The following TARBP1 variants were observed in gnomAD, a reference collection of about 807,000 sequenced individuals.
TARBP1 encodes the protein tRNA (guanosine(18)-2'-O)-methyltransferase TARBP1.
In TARBP1, 144 loss-of-function variants were observed where a neutral mutation model predicts 178.6. The ratio of observed to expected loss-of-function variants is 0.81; its 90% confidence interval spans 0.70 to 0.93. TARBP1 has a LOEUF of 0.93. Ranked by LOEUF, TARBP1 falls within the 40% of genes least tolerant of loss-of-function variation. The pLI, the probability that TARBP1 is intolerant of heterozygous loss-of-function variation, is 0.00. For missense variants in TARBP1, 2,067 were observed against 2,011.7 expected (o/e 1.03, Z -0.53); for synonymous variants, 787 against 781.0 (o/e 1.01, Z -0.13).
chr1:234,402,290 G>C (rs1660752235), intron 24 of TARBP1, among the ~76,000 whole-genome samples: 1 of 152,126 alleles, frequency 6.6e-6, no homozygotes, highest in African/African-American at 2.4e-5. Context: ...TCCTGACTAT[G>C]AGTATCACTT....
intron 3 of TARBP1, among the ~76,000 whole-genome samples, chr1:234,470,257 A>G (rs6698270): frequency 0.16 from 24,719 of 151,986 alleles, 2,857 homozygotes; most frequent in East Asian, 0.59. Context: ...ACAGATTGCA[A>G]GACTCCACAT....
At chr1:234,426,373 T>A (rs1388613258) in intron 19 of TARBP1, among the ~76,000 whole-genome samples, 1 of 152,216 alleles carries the variant, frequency 6.6e-6, no homozygotes, top group Non-Finnish European at 1.5e-5. Flanking sequence ...AATATTTTAA[T>A]TTAACAACAA....
At chr1:234,441,731 T>A (rs1572334136) in intron 12 of TARBP1, among the ~76,000 whole-genome samples, 1 of 152,326 alleles carries the variant, frequency 6.6e-6, no homozygotes, top group Middle Eastern at 3.4e-3. Flanking sequence ...CTCCCTGCCC[T>A]AAGCAACCCC....
At chr1:234,435,513 A>T (rs970816454) in intron 13 of TARBP1, among the ~76,000 whole-genome samples, 2 of 152,210 alleles carry the variant, frequency 1.3e-5, no homozygotes. Context: ...AAGGATGCTT[A>T]AACCTGTTAA....
At chr1:234,459,128 C>T (rs913735760) in intron 8 of TARBP1, 102 bp downstream of exon 8, 4 of 724,944 alleles carry the variant, frequency 5.5e-6, no homozygotes, top group Non-Finnish European at 9.2e-6. Flanking sequence ...TACAAGCAGG[C>T]CTTTCTAATG....
intron 9 of TARBP1, among the ~76,000 whole-genome samples, chr1:234,451,362 A>G (rs1252822638): frequency 1.3e-5 from 2 of 152,214 alleles, no homozygotes; most frequent in African/African-American, 4.8e-5. Flanking sequence ...AAAAGTAAGC[A>G]TTTTTGAAAA....
At chr1:234,410,655 CGGGGTCTG>C in intron 22 of TARBP1, 124 bp from the exon 23 acceptor site, 1 of 606,800 alleles carries the variant, frequency 1.6e-6, no homozygotes, top group Non-Finnish European at 3.0e-6. Context: ...TGGAACAGCC[CGGGGTCTG>C]GGTGGGAAGG....
intron 9 of TARBP1, among the ~76,000 whole-genome samples, chr1:234,456,652 C>G (rs1667315951): frequency 6.6e-6 from 1 of 151,930 alleles, no homozygotes; most frequent in South Asian, 2.1e-4. Flanking sequence ...AAATTTAAAA[C>G]AGTTTAATCT....
chr1:234,448,960 C>T (rs1366122720), intron 10 of TARBP1, among the ~76,000 whole-genome samples: 1 of 152,136 alleles, frequency 6.6e-6, no homozygotes, highest in East Asian at 1.9e-4. Flanking sequence ...GGAAGACATG[C>T]CCTCATCCAG....
intron 1 of TARBP1, among the ~76,000 whole-genome samples, chr1:234,476,657 T>C (rs1259901122): frequency 2.0e-5 from 3 of 152,244 alleles, no homozygotes; most frequent in African/African-American, 7.2e-5. Context: ...ATCAGTTTCC[T>C]ACATAGATCA....
Position 234,448,465 on chromosome 1 carries a change from T to C in TARBP1, c.1961+15A>G. On this transcript the variant is annotated intron_variant, in intron 11 of 29. Coordinates refer to ENST00000040877, the MANE Select transcript of TARBP1 (RefSeq NM_005646.4). ...TTTTCAAATAGGCTTTCTTTTCAAT[T>C]ACAGAAACAATTACCTATACTGAGT... 2 of 1,604,042 alleles carry C rather than the reference T, an allele frequency of 1.2e-6. No individual in the cohort carries two copies. Among genetic ancestry groups the C allele is most frequent in the East Asian group, 2.2e-5 (1 of 44,800 alleles).
Position 234,391,344 on chromosome 1 carries a change from C to A in TARBP1, c.*233G>T. 1 of 383,136 alleles carries A rather than the reference C, an allele frequency of 2.6e-6. No individual in the cohort carries two copies. Among genetic ancestry groups the A allele is most frequent in the Non-Finnish European group, 4.6e-6 (1 of 217,968 alleles). 23.7% of individuals were successfully genotyped at this position (383,136 alleles called of 1,614,324 possible). A position where few individuals can be genotyped will look rare whatever the true frequency, so the allele number is the denominator to read the frequency against. On this transcript the variant is annotated 3_prime_UTR_variant, in exon 30 of 30. Transcript: ENST00000040877. The stretch of plus-strand genomic sequence containing the variant: ...CTTAAAAAATCCATTGTTTTATTTC[C>A]ACAATTGCTTAAAATATTTTATTAA...
At chr1:234,457,795 T>A in intron 8 of TARBP1, 39 bp from the exon 9 acceptor site, 2 of 1,484,576 alleles carry the variant, frequency 1.3e-6, no homozygotes, top group Non-Finnish European at 1.9e-6. Context: ...TTACTCGTAT[T>A]AAAATGTTTA....
chr1:234,453,905 CA>C (rs2103236516), intron 9 of TARBP1, among the ~76,000 whole-genome samples: 1 of 152,214 alleles, frequency 6.6e-6, no homozygotes, highest in South Asian at 2.1e-4. Context: ...TAGTTCTCAA[CA>C]AATGACTCCA....
At chr1:234,476,748 T>C (rs1238629998) in intron 1 of TARBP1, among the ~76,000 whole-genome samples, 4 of 152,206 alleles carry the variant, frequency 2.6e-5, no homozygotes, top group Non-Finnish European at 5.9e-5. Flanking sequence ...ACAATATATT[T>C]TATGATATAA....
At chr1:234,474,248 ACAC>A (rs1669359630) in intron 1 of TARBP1, among the ~76,000 whole-genome samples, 1 of 47,782 alleles carries the variant, frequency 2.1e-5, no homozygotes, top group South Asian at 4.4e-4. Flanking sequence ...TCTCTAAAAC[ACAC>A]ACACACACAC....
intron 12 of TARBP1, 140 bp downstream of exon 12, chr1:234,446,663 A>ATAATTTCTTAATATATAATTATT: frequency 3.1e-6 from 1 of 327,326 alleles, no homozygotes; most frequent in Non-Finnish European, 4.7e-6. Context: ...ATATAATTAT[A>ATAATTTCTTAATATATAATTATT]TAATTTCTTA....
At position 234,463,926 on chromosome 1, in the gene TARBP1, C is replaced by T; in HGVS notation, c.1310G>A (p.Gly437Asp). The T allele has an allele frequency of 4.4e-6, 7 of 1,576,142 alleles. No homozygotes were observed. The highest frequency in any genetic ancestry group is 4.3e-6 in the Non-Finnish European group (5 of 1,162,978). The part of the protein sequence containing the change: ...SESSLYSRSP[G>D]QPIGSCSPLG... ...TGGAGAACAGCTTCCTATTGGCTGG[C>T]CTGGGGACCTACAAACAGAGAGTGG... is the stretch of plus-strand genomic sequence containing the variant. The change falls in exon 6 of 30, where the codon GGC (glycine) becomes GAC (aspartate). Residue 437 changes from glycine to aspartate, a missense_variant. Transcript: ENST00000040877.
chr1:234,429,314 G>T lies in TARBP1; in HGVS notation c.2882C>A (p.Ser961Tyr). Residue 961 changes from serine to tyrosine, a missense_variant, in exon 17 of 30, where the codon TCC (serine) becomes TAC (tyrosine). By Grantham distance (144) the Ser-to-Tyr change is moderately radical (BLOSUM62 -2). Transcript: ENST00000040877. ...AGACTCTATGCAGAGTGATTCAGAG[G>T]AAGTCAGAAGCTGGTAGGAAAAAAA... ...LKVLVPKLLT[S>Y]SESLCIESFD... The T allele has an allele frequency of 1.1e-5, 18 of 1,573,640 alleles. No homozygotes were observed. The highest frequency in any genetic ancestry group is 1.5e-5 in the Non-Finnish European group (18 of 1,167,900).
Sources: allele counts gnomAD v4.1 joint callset (sites outside exome capture counted in the v4.1 genomes callset), GRCh38; gene constraint gnomAD v4.1.1; transcripts MANE v1.5; gene names NCBI Gene and HGNC (gene_info 2026-07-23, HGNC 2026-07-21).